GCNT2: variants seen among roughly 807,000 people sequenced by gnomAD.
The protein encoded by GCNT2 is N-acetyllactosaminide beta-1,6-N-acetylglucosaminyl-transferase.
A neutral mutation model predicts 34.2 loss-of-function variants in GCNT2; 34 were observed. That is an observed-to-expected ratio of 1.00 (90% CI 0.76 to 1.32). The LOEUF (loss-of-function observed/expected upper bound fraction) is 1.32, where lower values mean the gene tolerates loss of function less well. Among genes scored for constraint, GCNT2 ranks in the 40% most tolerant of loss-of-function variants. The pLI, the probability that GCNT2 is intolerant of heterozygous loss-of-function variation, is 0.00. For missense variants in GCNT2, 584 were observed against 489.4 expected (o/e 1.19, Z -1.82); for synonymous variants, 212 against 188.0 (o/e 1.13, Z -1.04).
chr6:10,567,263 C>G (rs976286806), intron 3 of GCNT2, among the ~76,000 whole-genome samples: 2 of 152,042 alleles, frequency 1.3e-5, no homozygotes, highest in Non-Finnish European at 2.9e-5. Context: ...AGTTGGAGAC[C>G]AGCCTGGGCA....
intron 3 of GCNT2, among the ~76,000 whole-genome samples, chr6:10,536,986 G>T (rs980703826): frequency 6.6e-6 from 1 of 151,958 alleles, no homozygotes; most frequent in Non-Finnish European, 1.5e-5. Context: ...GGCTGGTCTC[G>T]AACTCCTGAC....
chr6:10,570,896 T>C lies in GCNT2; in HGVS notation c.925+41060T>C, dbSNP rs767040083. ...GCTTCCTCCCCACTTCTAAGCCTTG[T>C]AGATTTATCTCTGGTCCATTATCCT... On this transcript the variant is annotated intron_variant, in intron 3 of 4. Transcript: ENST00000495262. 1.3e-3 allele frequency among the ~76,000 whole-genome samples: 202 copies of C among 152,358 alleles called. 2 individuals are homozygous for C. The highest frequency in any genetic ancestry group is 0.01 in the Middle Eastern group (3 of 294).
chr6:10,529,263 T>C lies in GCNT2; in HGVS notation c.352T>C (p.Tyr118His). ...GTFERLFRAI[Y>H]MPQNVYCVHL... ...TTTTGAGAGGCTCTTCAGGGCGATT[T>C]ATATGCCCCAAAATGTCTACTGTGT... Residue 118 changes from tyrosine (Y) to histidine (H), a missense_variant, in exon 3 of 5, where the codon TAT (tyrosine) becomes CAT (histidine). Physicochemically the swap from Tyr to His is moderately conservative, Grantham distance 83. Transcript: ENST00000495262. 1 of 1,614,152 alleles carries C rather than the reference T, an allele frequency of 6.2e-7. No individual in the cohort carries two copies. Among genetic ancestry groups the C allele is most frequent in the Middle Eastern group, 1.6e-4 (1 of 6,062 alleles).
Position 10,598,192 on chromosome 6 carries a change from GT to G in GCNT2, c.926-23155del, listed in dbSNP as rs532029592. 9.2e-5 allele frequency among the ~76,000 whole-genome samples: 14 copies of G among 152,300 alleles called. No individual in the cohort carries two copies. In the East Asian group the frequency reaches 2.7e-3, roughly 29 times the overall value. On this transcript the variant is annotated intron_variant, in intron 3 of 4. Transcript: ENST00000495262. Reference sequence around the variant, plus strand: ...AAGTATTTGAGGCAGGCAGACTTAGGTTTTGTTTCCCTGCTGTCAGATCTTG... The same window carrying G: ...AAGTATTTGAGGCAGGCAGACTTAGGTTTGTTTCCCTGCTGTCAGATCTTG...
At chr6:10,543,403 T>A (rs530223640) in intron 3 of GCNT2, among the ~76,000 whole-genome samples, 2 of 148,470 alleles carry the variant, frequency 1.3e-5, no homozygotes, top group East Asian at 4.0e-4. Context: ...GTTGTTCAGG[T>A]TGGTCTCAAA....
intron 3 of GCNT2, among the ~76,000 whole-genome samples, chr6:10,617,349 G>T (rs1196074304): frequency 6.6e-6 from 1 of 152,128 alleles, no homozygotes; most frequent in Non-Finnish European, 1.5e-5. Flanking sequence ...CGGAACTCAC[G>T]CTGGCCGGCA....
rs1158093137 is a variant in GCNT2, at chr6:10,529,603, AC to A, written c.693del (p.Tyr231Ter). On this transcript the variant is annotated frameshift_variant, in exon 3 of 5. Coordinates refer to ENST00000495262, the MANE Select transcript of GCNT2 (RefSeq NM_145649.5). LOFTEE classifies it high-confidence loss of function. Reference protein sequence around the residue: ...PPDHAVGRTKYVHQELLNHKN... With the variant: ...PPDHAVGRTKXVHQELLNHKN... ...GACCACGCTGTTGGACGGACTAAAT[AC>A]GTCCACCAAGAACTGTTAAACCACA... 6.2e-7 allele frequency: 1 copy of A among 1,613,558 alleles called. No individual in the cohort carries two copies. The highest frequency in any genetic ancestry group is 1.7e-5 in the Admixed American group (1 of 60,014).
At chr6:10,567,801 G>A (rs1288451754) in intron 3 of GCNT2, among the ~76,000 whole-genome samples, 2 of 152,162 alleles carry the variant, frequency 1.3e-5, no homozygotes, top group African/African-American at 2.4e-5. Flanking sequence ...TATCAAAGAC[G>A]GAAGCCAGCA....
chr6:10,585,710 T>G (rs914585769), intron 3 of GCNT2: 4 of 1,253,592 alleles, frequency 3.2e-6, no homozygotes, highest in Middle Eastern at 3.0e-4. Context: ...TGGACTGGGC[T>G]GGGCTTAGCT....
chr6:10,555,322 T>TA (rs919209929), intron 3 of GCNT2, among the ~76,000 whole-genome samples: 2 of 152,152 alleles, frequency 1.3e-5, no homozygotes, highest in African/African-American at 2.4e-5. Context: ...ACTTTCCAAG[T>TA]AAAACAGCTT....
chr6:10,560,291 T>C (rs1035382483), intron 3 of GCNT2, among the ~76,000 whole-genome samples: 1 of 140,752 alleles, frequency 7.1e-6, no homozygotes, highest in African/African-American at 2.7e-5. Flanking sequence ...GGTTTCACCA[T>C]GTTGCCCAGG....
chr6:10,614,378 G>C (rs761889473), intron 3 of GCNT2, among the ~76,000 whole-genome samples: 2 of 152,110 alleles, frequency 1.3e-5, no homozygotes, highest in Non-Finnish European at 2.9e-5. Flanking sequence ...TGTAATCCCA[G>C]CATTTTGGGA....
chr6:10,626,602 T>C lies in GCNT2; in HGVS notation c.1204T>C (p.Phe402Leu). The C allele has an allele frequency of 1.2e-6, 2 of 1,612,448 alleles. No individual in the cohort carries two copies. The highest frequency in any genetic ancestry group is 1.7e-6 in the Non-Finnish European group (2 of 1,178,534). Reference protein sequence around the residue: ...SETAIQPSWYF With the variant: ...SETAIQPSWYL ...AACTGCGATACAACCCAGCTGGTAT[T>C]TTTGAGCTATTCATGAGCTACTCAT... is the stretch of plus-strand genomic sequence containing the variant. Residue 402 changes from phenylalanine to leucine, a missense_variant, in exon 5 of 5, where the codon TTT becomes CTT. Physicochemically the swap from Phe to Leu is conservative, Grantham distance 22 (BLOSUM62 0). Transcript: ENST00000495262.
chr6:10,562,044 C>G (rs1763008819), intron 3 of GCNT2, among the ~76,000 whole-genome samples: 2 of 152,146 alleles, frequency 1.3e-5, no homozygotes, highest in Admixed American at 6.5e-5. Context: ...TAAACAAGCA[C>G]CAGAAGTTAC....
chr6:10,611,196 A>G (rs1765534447), intron 3 of GCNT2, among the ~76,000 whole-genome samples: 1 of 151,754 alleles, frequency 6.6e-6, no homozygotes, highest in South Asian at 2.1e-4. Flanking sequence ...AGCCTGGGCA[A>G]CATAGTGAGA....
chr6:10,616,077 C>G (rs1188321743), intron 3 of GCNT2, among the ~76,000 whole-genome samples: 2 of 152,030 alleles, frequency 1.3e-5, no homozygotes, highest in South Asian at 2.1e-4. Flanking sequence ...AGCAGCGGGT[C>G]TGGAGTTTGT....
chr6:10,568,196 G>A (rs1763370950), intron 3 of GCNT2, among the ~76,000 whole-genome samples: 1 of 151,984 alleles, frequency 6.6e-6, no homozygotes, highest in African/African-American at 2.4e-5. Flanking sequence ...TGAGCTCCCA[G>A]GCCTTCTGCC....
chr6:10,522,039 A>C (rs150673899), intron 1 of GCNT2, among the ~76,000 whole-genome samples: 2,303 of 151,672 alleles, frequency 0.015, 27 homozygotes, highest in South Asian at 0.026. Context: ...AGGCATGCAC[A>C]ACCAAGCCCG....
chr6:10,562,332 C>T (rs967443498), intron 3 of GCNT2, among the ~76,000 whole-genome samples: 3 of 152,168 alleles, frequency 2.0e-5, no homozygotes, highest in African/African-American at 7.2e-5. Context: ...TTGCTTTTCA[C>T]AGTGGTTACT....
Sources: allele counts gnomAD v4.1 joint callset (sites outside exome capture counted in the v4.1 genomes callset), GRCh38; gene constraint gnomAD v4.1.1; transcripts MANE v1.5; gene names NCBI Gene and HGNC (gene_info 2026-07-23, HGNC 2026-07-21).